Variants in SMAGP observed in about 807,000 individuals in gnomAD.
SMAGP encodes small cell adhesion glycoprotein.
Under a neutral mutation model 10.1 loss-of-function variants are expected in SMAGP, and 7 were observed. That is an observed-to-expected ratio of 0.70 (90% CI 0.40 to 1.31). The LOEUF (loss-of-function observed/expected upper bound fraction) is 1.31. Ranked by LOEUF, SMAGP falls within the 50% of genes most tolerant of loss-of-function variation. The pLI, the probability that SMAGP is intolerant of heterozygous loss-of-function variation, is 0.01. For missense variants in SMAGP, 113 were observed against 116.5 expected, an observed-to-expected ratio of 0.97 and a Z score of 0.14; for synonymous variants, 49 against 47.2, an observed-to-expected ratio of 1.04 and a Z score of -0.16.
intron 2 of SMAGP, among the ~76,000 whole-genome samples, chr12:51,267,445 A>C (rs1944984377): frequency 2.7e-5 from 4 of 146,372 alleles, no homozygotes; most frequent in South Asian, 2.2e-4. Context: ...TCACCCACCC[A>C]TGAAGCCTTT....
chr12:51,246,963 A>G (rs1944782048), intron 2 of SMAGP, 132 bp from the exon 3 acceptor site: 1 of 541,444 alleles, frequency 1.8e-6, no homozygotes, highest in African/African-American at 2.0e-5. Flanking sequence ...CCTAGAGTAT[A>G]TCCAAATAGA....
chr12:51,263,866 G>T (rs1445300506), intron 2 of SMAGP, among the ~76,000 whole-genome samples: 3 of 152,062 alleles, frequency 2.0e-5, no homozygotes. Context: ...ATAATTAGAA[G>T]AAGGAAAAGA....
chr12:51,256,612 C>T (rs7316569), intron 2 of SMAGP, among the ~76,000 whole-genome samples: 102,588 of 151,520 alleles, frequency 0.68, 38,555 homozygotes, highest in Non-Finnish European at 0.86. Flanking sequence ...CCCAGCTACT[C>T]GGGAGGCTGA....
intron 1 of SMAGP, chr12:51,269,987 G>C (rs1222369098): frequency 1.3e-5 from 2 of 151,876 alleles, no homozygotes; most frequent in Non-Finnish European, 2.9e-5. Flanking sequence ...GGGTGGACGC[G>C]ACGGGCTGGG....
At chr12:51,260,534 G>A (rs1375970698) in intron 2 of SMAGP, among the ~76,000 whole-genome samples, 3 of 151,688 alleles carry the variant, frequency 2.0e-5, no homozygotes, top group Admixed American at 6.6e-5. Flanking sequence ...CCGCCACCAC[G>A]CCCGGCTAAT....
At chr12:51,265,709 A>G (rs1047926056) in intron 2 of SMAGP, among the ~76,000 whole-genome samples, 2 of 152,168 alleles carry the variant, frequency 1.3e-5, no homozygotes, top group Non-Finnish European at 2.9e-5. Flanking sequence ...GAAATGGGGA[A>G]TCAGTGTTTA....
Position 51,262,139 on chromosome 12 carries a change from G to A in SMAGP, c.34+7106C>T, listed in dbSNP as rs901142649. Reference sequence around the variant, plus strand: ...ATATGCATATATATGTTTGTACATAGAAAAGGTCTAGAAAGCTGTTCTCTG... The same window carrying A: ...ATATGCATATATATGTTTGTACATAAAAAAGGTCTAGAAAGCTGTTCTCTG... On this transcript the variant is annotated intron_variant, in intron 2 of 3. Transcript: ENST00000603798. Among the ~76,000 whole-genome samples, 11 of 151,968 alleles carry A rather than the reference G, an allele frequency of 7.2e-5. No homozygotes were observed. In the South Asian group the frequency reaches 1.0e-3, roughly 14 times the overall value.
intron 2 of SMAGP, chr12:51,253,523 C>T (rs916632000): frequency 1.3e-5 from 2 of 151,564 alleles, no homozygotes; most frequent in African/African-American, 4.9e-5. Context: ...TGAAATAACC[C>T]AAATGTCCAA....
intron 2 of SMAGP, among the ~76,000 whole-genome samples, chr12:51,267,241 T>G (rs1944982393): frequency 6.6e-6 from 1 of 152,194 alleles, no homozygotes; most frequent in African/African-American, 2.4e-5. Context: ...GGAGGTCCTC[T>G]GCCCACCCGC....
In SMAGP at chr12:51,247,861, G is replaced by A. The variant is rs187859639; in HGVS notation, c.35-1030C>T. Among the ~76,000 whole-genome samples, 130 of 152,344 alleles carry A rather than the reference G, an allele frequency of 8.5e-4. 1 individual carries two copies. The highest frequency in any genetic ancestry group is 2.6e-3 in the African/African-American group (110 of 41,570). On this transcript the variant is annotated intron_variant, in intron 2 of 3. Coordinates refer to ENST00000603798, the MANE Select transcript of SMAGP (RefSeq NM_001031628.2). ...CTCCACTGCACCCCACAGCTTGCACGGTGAGGAGCTGCTGTAAGTGCACTT... is the reference window on the plus strand; with the variant it reads ...CTCCACTGCACCCCACAGCTTGCACAGTGAGGAGCTGCTGTAAGTGCACTT...
At chr12:51,248,438 T>A (rs7135476) in intron 2 of SMAGP, among the ~76,000 whole-genome samples, 6,786 of 31,992 alleles carry the variant, frequency 0.21, 146 homozygotes, top group South Asian at 0.29. Context: ...ACACACACTC[T>A]CTCTCTCTCT....
chr12:51,246,202 T>G (rs1232132267), intron 3 of SMAGP, 83 bp from the exon 4 acceptor site: 55 of 1,544,482 alleles, frequency 3.6e-5, no homozygotes, highest in Non-Finnish European at 4.6e-5. Context: ...ATTTAGTCAC[T>G]GTTTTCGTAA....
At chr12:51,268,593 T>TCCTCCCTCCCTCCC (rs1944998002) in intron 2 of SMAGP, among the ~76,000 whole-genome samples, 1 of 135,244 alleles carries the variant, frequency 7.4e-6, no homozygotes, top group African/African-American at 2.7e-5. Flanking sequence ...CTTTCCTCCC[T>TCCTCCCTCCCTCCC]CCCTTCCTAT....
intron 2 of SMAGP, among the ~76,000 whole-genome samples, chr12:51,257,248 G>T (rs766356491): frequency 1.3e-5 from 2 of 152,190 alleles, no homozygotes; most frequent in Non-Finnish European, 2.9e-5. Flanking sequence ...GAAGGGATGA[G>T]ATCTAGAGCA....
rs531895157 is a variant in SMAGP, at chr12:51,254,528, C to G, written c.35-7697G>C. On this transcript the variant is annotated intron_variant, in intron 2 of 3. Coordinates refer to ENST00000603798, the MANE Select transcript of SMAGP (RefSeq NM_001031628.2). ...CACCACTGCACTCCAACCTGGGTGA[C>G]AGAGAGAGACTCCATCTAAAAAAAA... Among the ~76,000 whole-genome samples the G allele has an allele frequency of 2.0e-5, 3 of 151,852 alleles. No individual in the cohort carries two copies. In the East Asian group the frequency reaches 5.8e-4, roughly 29 times the overall value.
chr12:51,261,111 T>TTC (rs3053461), intron 2 of SMAGP, among the ~76,000 whole-genome samples: 2 of 146,446 alleles, frequency 1.4e-5, no homozygotes, highest in African/African-American at 2.5e-5. Context: ...TTTTTTTTTT[T>TTC]CTGAGACGGA....
chr12:51,248,811 G>C (rs1565656743), intron 2 of SMAGP, among the ~76,000 whole-genome samples: 1 of 148,660 alleles, frequency 6.7e-6, no homozygotes, highest in Non-Finnish European at 1.5e-5. Context: ...CCAGCCCTTT[G>C]GGAGGCCAGG....
chr12:51,268,111 T>C (rs1214195680), intron 2 of SMAGP, among the ~76,000 whole-genome samples: 1 of 152,168 alleles, frequency 6.6e-6, no homozygotes, highest in East Asian at 1.9e-4. Context: ...TGCTGAGCAG[T>C]AGTGCCCGGC....
intron 1 of SMAGP, chr12:51,269,528 G>A: frequency 1.9e-6 from 1 of 537,178 alleles, no homozygotes; most frequent in South Asian, 2.2e-5. Context: ...CAGTTTGACG[G>A]GGTGTTACCT....
Sources: allele counts gnomAD v4.1 joint callset (sites outside exome capture counted in the v4.1 genomes callset), GRCh38; gene constraint gnomAD v4.1.1; transcripts MANE v1.5; gene names NCBI Gene and HGNC (gene_info 2026-07-23, HGNC 2026-07-21).